PHF21A: variants seen among roughly 807,000 people sequenced by gnomAD.
The protein encoded by PHF21A is PHD finger protein 21A, also known as BHC80a.
Under a neutral mutation model 82.5 loss-of-function variants are expected in PHF21A, and 11 were observed. That is an observed-to-expected ratio of 0.13 (90% CI 0.08 to 0.22). The LOEUF (loss-of-function observed/expected upper bound fraction) is 0.22. Among genes scored for constraint, PHF21A ranks in the 10% least tolerant of loss-of-function variants. The pLI is 1.00. For missense variants in PHF21A, 579 were observed against 837.8 expected (o/e 0.69, Z 3.81); for synonymous variants, 297 against 302.8 (o/e 0.98, Z 0.20).
At chr11:46,034,177 G>C (rs1346233696) in intron 6 of PHF21A, among the ~76,000 whole-genome samples, 2 of 151,770 alleles carry the variant, frequency 1.3e-5, no homozygotes, top group Non-Finnish European at 2.9e-5. Context: ...ACATATACTA[G>C]TATTTTTACT....
intron 4 of PHF21A, among the ~76,000 whole-genome samples, chr11:46,079,841 G>A (rs1329801341): frequency 6.8e-6 from 1 of 146,768 alleles, no homozygotes; most frequent in Non-Finnish European, 1.5e-5. Flanking sequence ...GGAAAGGAAA[G>A]GAAAGGAAAG....
intron 1 of PHF21A, chr11:46,117,879 G>C (rs1275294923): frequency 6.6e-6 from 1 of 152,158 alleles, no homozygotes; most frequent in Non-Finnish European, 1.5e-5. Context: ...TCACTTTCAA[G>C]TAGCAAACAT....
intron 6 of PHF21A, among the ~76,000 whole-genome samples, chr11:46,032,848 TTAA>T (rs2095895533): frequency 6.6e-6 from 1 of 152,184 alleles, no homozygotes; most frequent in Non-Finnish European, 1.5e-5. Context: ...TTTAATATGT[TTAA>T]TGATTCATAC....
intron 6 of PHF21A, among the ~76,000 whole-genome samples, chr11:46,017,726 TA>T: frequency 6.6e-6 from 1 of 152,318 alleles, no homozygotes; most frequent in Admixed American, 6.5e-5. Context: ...ATTTTGTCCC[TA>T]AAAACTGTTC....
chr11:45,936,596 TGA>T, intron 16 of PHF21A, 27 bp from the exon 17 acceptor site: 1 of 1,515,930 alleles, frequency 6.6e-7, no homozygotes, highest in Non-Finnish European at 9.2e-7. Context: ...AATTTTACCT[TGA>T]GAAGGAGGTT....
chr11:45,979,023 T>A (rs1293231167), intron 7 of PHF21A, among the ~76,000 whole-genome samples: 1 of 148,146 alleles, frequency 6.8e-6, no homozygotes, highest in African/African-American at 2.5e-5. Context: ...GCACTCTTCT[T>A]TTTTTTTTTT....
chr11:45,989,786 C>T (rs2094618640), intron 6 of PHF21A, among the ~76,000 whole-genome samples: 1 of 152,042 alleles, frequency 6.6e-6, no homozygotes, highest in Non-Finnish European at 1.5e-5. Context: ...ACTGCTTGGG[C>T]CCAGGAGTTC....
intron 6 of PHF21A, among the ~76,000 whole-genome samples, chr11:46,034,693 G>C (rs1019631397): frequency 1.3e-5 from 2 of 152,084 alleles, no homozygotes; most frequent in Non-Finnish European, 2.9e-5. Flanking sequence ...TCCTGGGGAG[G>C]CTTTCTTTTC....
At chr11:45,991,509 G>T (rs1016841873) in intron 6 of PHF21A, among the ~76,000 whole-genome samples, 74 of 152,142 alleles carry the variant, frequency 4.9e-4, no homozygotes, top group African/African-American at 1.8e-3. Context: ...TGGCTTGCTG[G>T]TAAGGATCTG....
At chr11:45,988,212 A>G (rs1311468509) in intron 6 of PHF21A, among the ~76,000 whole-genome samples, 1 of 152,240 alleles carries the variant, frequency 6.6e-6, no homozygotes, top group African/African-American at 2.4e-5. Flanking sequence ...ATGCTAGAAG[A>G]GGTAAATATA....
chr11:45,935,144 C>A (rs1308661733), intron 18 of PHF21A: 1 of 1,289,534 alleles, frequency 7.8e-7, no homozygotes, highest in Admixed American at 2.3e-5. Context: ...CTCTAGAAAG[C>A]CCGCTTCCTC....
At chr11:46,073,206 T>C (rs2096675613) in intron 6 of PHF21A, among the ~76,000 whole-genome samples, 2 of 151,834 alleles carry the variant, frequency 1.3e-5, no homozygotes, top group South Asian at 4.2e-4. Flanking sequence ...CGGGCGCCTG[T>C]AGTCCCAGCT....
chr11:45,993,354 T>C (rs2136737671), intron 6 of PHF21A, among the ~76,000 whole-genome samples: 1 of 152,198 alleles, frequency 6.6e-6, no homozygotes, highest in South Asian at 2.1e-4. Context: ...AACCCTCTTA[T>C]CAAATAAGAC....
At chr11:45,976,197 A>G (rs191107645) in intron 7 of PHF21A, among the ~76,000 whole-genome samples, 20 of 152,084 alleles carry the variant, frequency 1.3e-4, no homozygotes, top group Admixed American at 1.2e-3. Context: ...ACTACTCTCT[A>G]TACTTGTGAA....
intron 6 of PHF21A, among the ~76,000 whole-genome samples, chr11:45,981,210 A>G (rs2094263601): frequency 6.6e-6 from 1 of 151,830 alleles, no homozygotes; most frequent in African/African-American, 2.4e-5. Context: ...ACATGGTGAA[A>G]CCCCATCTCC....
intron 1 of PHF21A, chr11:46,117,160 A>G (rs1851570062): frequency 6.6e-6 from 1 of 152,196 alleles, no homozygotes; most frequent in Non-Finnish European, 1.5e-5. Context: ...GTATTATCTC[A>G]TTTGGTCTTA....
chr11:46,086,908 T>C (rs953576323), intron 3 of PHF21A, among the ~76,000 whole-genome samples: 2 of 152,104 alleles, frequency 1.3e-5, no homozygotes, highest in Admixed American at 6.6e-5. Context: ...CAAAAATCTA[T>C]GAAAAAACAA....
rs535241978 is a variant in PHF21A, at chr11:46,057,106, GT to G, written c.153+19647del. On this transcript the variant is annotated intron_variant, in intron 6 of 18. Coordinates refer to ENST00000676320, the MANE Select transcript of PHF21A (RefSeq NM_001352027.3). ...TTTATATAAAAACTACAATTGAGAG[GT>G]TTTTTTCCCCAAGTTCATTTTGTGC... Among the ~76,000 whole-genome samples the G allele has an allele frequency of 1.5e-4, 23 of 152,168 alleles. No homozygotes were observed. The South Asian group carries it at 4.2e-3, about 27-fold the overall frequency.
intron 15 of PHF21A, among the ~76,000 whole-genome samples, chr11:45,941,724 C>A (rs1024580964): frequency 6.6e-6 from 1 of 152,182 alleles, no homozygotes; most frequent in Non-Finnish European, 1.5e-5. Flanking sequence ...GATGACTGAC[C>A]AAATTATTAC....
Sources: allele counts gnomAD v4.1 joint callset (sites outside exome capture counted in the v4.1 genomes callset), GRCh38; gene constraint gnomAD v4.1.1; transcripts MANE v1.5; gene names NCBI Gene and HGNC (gene_info 2026-07-23, HGNC 2026-07-21).